The following CTNNBIP1 variants were observed in gnomAD, a reference collection of about 807,000 sequenced individuals.
CTNNBIP1 encodes the protein catenin beta interacting protein 1.
CTNNBIP1 carries 7 observed loss-of-function variants against 11.8 expected under a neutral mutation model. The ratio of observed to expected loss-of-function variants is 0.60; its 90% CI spans 0.34 to 1.12. The LOEUF is 1.12. CTNNBIP1 is among the 50% of genes most tolerant of loss of function. CTNNBIP1 has a pLI of 0.03. For missense variants in CTNNBIP1, 101 were observed against 113.4 expected (o/e 0.89, Z 0.50); for synonymous variants, 58 against 43.9 (o/e 1.32, Z -1.26).
chr1:9,897,223 G>A lies in CTNNBIP1; in HGVS notation c.-144+12872C>T, dbSNP rs528444675. 3.3e-5 allele frequency among the ~76,000 whole-genome samples: 5 copies of A among 152,210 alleles called. No homozygotes were observed. The South Asian group carries it at 1.0e-3, about 32-fold the overall frequency. ...TAATCCCAGCACTTTGGGAGGCCGAGGCGGGCGGATCACGAGGTCAGGAGA... is the reference window on the plus strand; with the variant it reads ...TAATCCCAGCACTTTGGGAGGCCGAAGCGGGCGGATCACGAGGTCAGGAGA... On this transcript the variant is annotated intron_variant, in intron 1 of 5. Transcript: ENST00000377263.
At chr1:9,886,270 T>C (rs1249800903) in intron 1 of CTNNBIP1, among the ~76,000 whole-genome samples, 1 of 152,168 alleles carries the variant, frequency 6.6e-6, no homozygotes, top group Non-Finnish European at 1.5e-5. Flanking sequence ...AGGGTGCCGC[T>C]GACATTTCAG....
At chr1:9,893,603 A>G (rs1399491456) in intron 1 of CTNNBIP1, among the ~76,000 whole-genome samples, 1 of 152,224 alleles carries the variant, frequency 6.6e-6, no homozygotes, top group African/African-American at 2.4e-5. Context: ...CTCCATTGAG[A>G]GGAAAAAGCT....
chr1:9,853,652 A>G (rs985969220), intron 5 of CTNNBIP1, among the ~76,000 whole-genome samples: 14 of 152,220 alleles, frequency 9.2e-5, no homozygotes, highest in Non-Finnish European at 2.9e-5. Flanking sequence ...TGTTTTACAG[A>G]TGAAGCTCTG....
At chr1:9,873,392 A>G (rs1054139385) in intron 3 of CTNNBIP1, among the ~76,000 whole-genome samples, 5 of 152,106 alleles carry the variant, frequency 3.3e-5, no homozygotes, top group African/African-American at 1.2e-4. Context: ...CTCTGATGAG[A>G]AGGACCCCCA....
At chr1:9,896,023 C>T (rs1471937154) in intron 1 of CTNNBIP1, among the ~76,000 whole-genome samples, 1 of 152,188 alleles carries the variant, frequency 6.6e-6, no homozygotes, top group Non-Finnish European at 1.5e-5. Context: ...TTGGCCTTCA[C>T]TTGTGTTTAA....
chr1:9,854,388 C>A (rs1638459958), intron 5 of CTNNBIP1, among the ~76,000 whole-genome samples: 2 of 147,850 alleles, frequency 1.4e-5, no homozygotes, highest in Admixed American at 6.7e-5. Context: ...AAAAAAAAAC[C>A]CACTCAACAA....
At chr1:9,874,483 G>T (rs999480989) in intron 3 of CTNNBIP1, among the ~76,000 whole-genome samples, 4 of 152,188 alleles carry the variant, frequency 2.6e-5, no homozygotes, top group African/African-American at 9.7e-5. Flanking sequence ...CAAATTCCTG[G>T]TCTCAAGCAA....
chr1:9,907,814 T>A (rs1490086726), intron 1 of CTNNBIP1, among the ~76,000 whole-genome samples: 1 of 152,154 alleles, frequency 6.6e-6, no homozygotes, highest in Non-Finnish European at 1.5e-5. Context: ...ACTGCCCCGA[T>A]CCCTCAAGCC....
intron 5 of CTNNBIP1, among the ~76,000 whole-genome samples, chr1:9,857,560 G>C (rs1043810033): frequency 6.6e-6 from 1 of 151,798 alleles, no homozygotes; most frequent in Non-Finnish European, 1.5e-5. Flanking sequence ...CTGCACTTTG[G>C]GAGGCCGAGG....
At chr1:9,855,191 C>A (rs191823147) in intron 5 of CTNNBIP1, among the ~76,000 whole-genome samples, 4 of 150,822 alleles carry the variant, frequency 2.7e-5, no homozygotes, top group African/African-American at 9.7e-5. Context: ...CACAACATTA[C>A]TGAATAAAAT....
intron 1 of CTNNBIP1, among the ~76,000 whole-genome samples, chr1:9,894,326 A>G (rs1639365471): frequency 1.3e-5 from 2 of 152,228 alleles, no homozygotes; most frequent in Non-Finnish European, 2.9e-5. Context: ...CATAACCACA[A>G]TATCATTAAC....
At chr1:9,893,729 A>G (rs1323007723) in intron 1 of CTNNBIP1, among the ~76,000 whole-genome samples, 1 of 152,166 alleles carries the variant, frequency 6.6e-6, no homozygotes, top group Admixed American at 6.5e-5. Context: ...TTCCTTGCAA[A>G]TTTCCTTGGA....
At chr1:9,882,409 G>T (rs563884131) in intron 2 of CTNNBIP1, among the ~76,000 whole-genome samples, 3 of 152,338 alleles carry the variant, frequency 2.0e-5, no homozygotes, top group Admixed American at 6.5e-5. Context: ...GAACATGAAG[G>T]TTAAGTTTGA....
intron 5 of CTNNBIP1, among the ~76,000 whole-genome samples, chr1:9,862,471 G>A (rs1638651158): frequency 6.6e-6 from 1 of 152,198 alleles, no homozygotes. Context: ...GGCTCATCTG[G>A]CAGGCATTCT....
At position 9,850,706 on chromosome 1, in the gene CTNNBIP1, A is replaced by T. The variant is rs2101415021; in HGVS notation, c.*12T>A. ...CCTCAACAGCATCCAGGGTGTTCCA[A>T]GGGCTTTGCAGCTACTGCCTCCGGT... is the stretch of plus-strand genomic sequence containing the variant. On this transcript the variant is annotated 3_prime_UTR_variant, in exon 6 of 6. Coordinates refer to ENST00000377263, the MANE Select transcript of CTNNBIP1 (RefSeq NM_020248.3). 1 of 1,613,584 alleles carries T rather than the reference A, an allele frequency of 6.2e-7. No homozygotes were observed. Among genetic ancestry groups the T allele is most frequent in the East Asian group, 2.2e-5 (1 of 44,882 alleles).
chr1:9,871,247 T>C lies in CTNNBIP1; in HGVS notation c.127A>G (p.Thr43Ala). 6.3e-7 allele frequency: 1 copy of C among 1,579,300 alleles called. No homozygotes were observed. Residue 43 changes from threonine to alanine, a missense_variant, in exon 5 of 6, where the codon ACC becomes GCC. Thr to Ala is a moderately conservative substitution (Grantham distance 58, BLOSUM62 0). Coordinates refer to ENST00000377263, the MANE Select transcript of CTNNBIP1 (RefSeq NM_020248.3). This position sits in a 1 kb window ranked among gnomAD's most constrained non-coding sequence, Gnocchi z 5.2. ...LTASEEEFLR[T>A]YAGVVNSQLS... ...TGGCTGTTGACCACCCCTGCATAGG[T>C]GCGCAGGAACTCCTCCTCGCTGGCT...
In CTNNBIP1 at chr1:9,872,432, C is replaced by T. The variant is rs1638883627; in HGVS notation, c.-24-344G>A. 6.6e-6 allele frequency among the ~76,000 whole-genome samples: 1 copy of T among 152,252 alleles called. No homozygotes were observed. The highest frequency in any genetic ancestry group is 1.5e-5 in the Non-Finnish European group (1 of 68,050). ...AGAGCAAAGCTCCTGCTACAAGCCA[C>T]AGGACACGTGGTGCATGAAGCCCCA... On this transcript the variant is annotated intron_variant, in intron 3 of 5. Transcript: ENST00000377263. The surrounding 1 kb of genome is among the most constrained non-coding windows in gnomAD (Gnocchi z 4.0).
intron 1 of CTNNBIP1, among the ~76,000 whole-genome samples, chr1:9,899,010 G>A (rs545333075): frequency 6.6e-6 from 1 of 151,850 alleles, no homozygotes; most frequent in South Asian, 2.1e-4. Context: ...TAGGTTTTTG[G>A]GGAACAGGTG....
Position 9,867,676 on chromosome 1 carries a change from A to ACGCCAGGCCATTACCCACAGG in CTNNBIP1, c.187+3490_187+3510dup, listed in dbSNP as rs1365003852. Among the ~76,000 whole-genome samples, 11 of 152,294 alleles carry ACGCCAGGCCATTACCCACAGG rather than the reference A, an allele frequency of 7.2e-5. No individual in the cohort carries two copies. The highest frequency in any genetic ancestry group is 2.6e-4 in the African/African-American group (11 of 41,554). On this transcript the variant is annotated intron_variant, in intron 5 of 5. Transcript: ENST00000377263. This position sits in a 1 kb window ranked among gnomAD's most constrained non-coding sequence, Gnocchi z 4.6. Reference sequence around the variant, plus strand: ...GCGCCACCTAGTGGGCAGGAGGTGCACGCCAGGCCATTACCCACAGGCTCC... The same window carrying ACGCCAGGCCATTACCCACAGG: ...GCGCCACCTAGTGGGCAGGAGGTGCACGCCAGGCCATTACCCACAGGCGCCAGGCCATTACCCACAGGCTCC...
Sources: gnomAD v4.1 joint callset for allele counts (sites outside exome capture counted in the v4.1 genomes callset) on GRCh38, gnomAD v4.1.1 for gene constraint, Gnocchi (gnomAD v3.1) non-coding constraint, MANE v1.5 for transcripts, NCBI Gene and HGNC (gene_info 2026-07-23, HGNC 2026-07-21) for gene names.